TBC1D31: variants seen among roughly 807,000 people sequenced by gnomAD.
TBC1D31 encodes the protein TBC1 domain family member 31.
In TBC1D31, 99 loss-of-function variants were observed where a neutral mutation model predicts 132.9. The ratio of observed to expected loss-of-function variants is 0.74; its 90% CI spans 0.63 to 0.88. The LOEUF is 0.88. Among genes scored for constraint, TBC1D31 ranks in the 40% least tolerant of loss-of-function variants. The pLI, the probability that TBC1D31 is intolerant of heterozygous loss-of-function variation, is 0.00. For missense variants in TBC1D31, 1,134 were observed against 1,256.6 expected (o/e 0.90, Z 1.48); for synonymous variants, 385 against 419.4 (o/e 0.92, Z 1.00).
chr8:123,117,290 G>C (rs2130654906), intron 10 of TBC1D31, among the ~76,000 whole-genome samples: 1 of 152,034 alleles, frequency 6.6e-6, no homozygotes, highest in East Asian at 1.9e-4. Flanking sequence ...ACTCCGCCTG[G>C]GTGAAAGAGT....
At chr8:123,100,581 CAAT>C (rs923627073) in intron 6 of TBC1D31, among the ~76,000 whole-genome samples, 16 of 150,208 alleles carry the variant, frequency 1.1e-4, no homozygotes, top group African/African-American at 2.2e-4. Flanking sequence ...CATCTCAAAA[CAAT>C]AATAATAATA....
At chr8:123,126,889 G>A (rs746188715) in intron 13 of TBC1D31, among the ~76,000 whole-genome samples, 7 of 151,474 alleles carry the variant, frequency 4.6e-5, no homozygotes, top group East Asian at 2.0e-4. Context: ...TTACAGGTGC[G>A]CACCATCATG....
At chr8:123,134,286 T>G (rs757126450) in intron 17 of TBC1D31, 80 bp downstream of exon 17, 1 of 1,104,968 alleles carries the variant, frequency 9.1e-7, no homozygotes, top group African/African-American at 1.6e-5. Flanking sequence ...CCCAGCACTT[T>G]GGGAGGATGA....
intron 7 of TBC1D31, among the ~76,000 whole-genome samples, chr8:123,101,737 G>A (rs11786673): frequency 0.61 from 93,330 of 151,972 alleles, 29,405 homozygotes; most frequent in African/African-American, 0.74. Context: ...TGAAATATCT[G>A]TAAATGTGCT....
intron 4 of TBC1D31, among the ~76,000 whole-genome samples, chr8:123,090,835 C>T (rs879520718): frequency 6.6e-6 from 1 of 151,972 alleles, no homozygotes; most frequent in Non-Finnish European, 1.5e-5. Flanking sequence ...TGCTGTAGTC[C>T]CAGCTGCTTG....
At chr8:123,125,743 C>T (rs563587455) in intron 11 of TBC1D31, among the ~76,000 whole-genome samples, 176 of 152,166 alleles carry the variant, frequency 1.2e-3, no homozygotes, top group African/African-American at 4.1e-3. Flanking sequence ...AAGATCATTT[C>T]GTTAATCAGG....
chr8:123,145,523 A>G (rs938643304), intron 20 of TBC1D31, among the ~76,000 whole-genome samples: 2 of 152,186 alleles, frequency 1.3e-5, no homozygotes, highest in Non-Finnish European at 2.9e-5. Flanking sequence ...GTTTCGATAC[A>G]AGGCTTACAG....
the TBC1D31 span, among the ~76,000 whole-genome samples, chr8:123,162,383 C>T: frequency 6.6e-6 from 1 of 152,014 alleles, no homozygotes; most frequent in East Asian, 1.9e-4. Context: ...TAATGGAAAC[C>T]TGTTGAGAGT....
At chr8:123,101,397 T>C (rs1817401538) in intron 7 of TBC1D31, among the ~76,000 whole-genome samples, 1 of 152,102 alleles carries the variant, frequency 6.6e-6, no homozygotes, top group South Asian at 2.1e-4. Context: ...AACTTGTTTG[T>C]TTTTGTTTTG....
At chr8:123,133,026 G>C (rs1455854076) in intron 16 of TBC1D31, among the ~76,000 whole-genome samples, 1 of 152,132 alleles carries the variant, frequency 6.6e-6, no homozygotes, top group Admixed American at 6.5e-5. Flanking sequence ...GCAGCCTCCT[G>C]TCCTCCCAGC....
chr8:123,087,118 T>C (rs1815845448), intron 4 of TBC1D31, among the ~76,000 whole-genome samples: 1 of 152,212 alleles, frequency 6.6e-6, no homozygotes, highest in Non-Finnish European at 1.5e-5. Context: ...AGCTTTCTGT[T>C]TGGCTGATTT....
intron 5 of TBC1D31, 134 bp downstream of exon 5, chr8:123,093,876 TCTG>T: frequency 1.8e-6 from 1 of 559,406 alleles, no homozygotes; most frequent in Non-Finnish European, 2.8e-6. Flanking sequence ...TTAGATATGA[TCTG>T]CTAACTTTTT....
At chr8:123,096,711 A>T (rs1816873171) in intron 5 of TBC1D31, among the ~76,000 whole-genome samples, 1 of 152,234 alleles carries the variant, frequency 6.6e-6, no homozygotes, top group African/African-American at 2.4e-5. Context: ...CCATAGTATT[A>T]CCACACTTTT....
intron 1 of TBC1D31, chr8:123,073,573 G>A (rs1223116214): frequency 5.6e-6 from 2 of 354,810 alleles, no homozygotes; most frequent in African/African-American, 2.2e-5. Flanking sequence ...GCTACAAAGC[G>A]GTGCCATTTG....
chr8:123,103,159 C>T (rs1398123723), intron 7 of TBC1D31: 1 of 152,136 alleles, frequency 6.6e-6, no homozygotes, highest in African/African-American at 2.4e-5. Flanking sequence ...TTTATAGAAC[C>T]ACTGCAAATA....
intron 10 of TBC1D31, among the ~76,000 whole-genome samples, chr8:123,115,440 A>C (rs1320301836): frequency 6.6e-6 from 1 of 152,208 alleles, no homozygotes. Context: ...TGAGTATTGT[A>C]TCGAATAATA....
intron 3 of TBC1D31, chr8:123,083,924 T>A (rs140278845): frequency 2.4e-6 from 1 of 419,464 alleles, no homozygotes; most frequent in African/African-American, 2.0e-5. Flanking sequence ...AATTTTGAAG[T>A]TATTCTTCAT....
chr8:123,143,433 G>A (rs59229243), intron 19 of TBC1D31, among the ~76,000 whole-genome samples: 12,293 of 152,204 alleles, frequency 0.081, 529 homozygotes, highest in Non-Finnish European at 0.092. Flanking sequence ...TATGTCACAC[G>A]TGTGTATCTT....
intron 19 of TBC1D31, among the ~76,000 whole-genome samples, chr8:123,143,870 G>A (rs1049288019): frequency 2.0e-5 from 3 of 152,106 alleles, no homozygotes; most frequent in African/African-American, 7.2e-5. Context: ...TGGGTAAAAT[G>A]GTACTTTTGA....
Sources: gnomAD v4.1 joint callset for allele counts (sites outside exome capture counted in the v4.1 genomes callset) on GRCh38, gnomAD v4.1.1 for gene constraint, MANE v1.5 for transcripts, NCBI Gene and HGNC (gene_info 2026-07-23, HGNC 2026-07-21) for gene names.